ATRX: variants seen among roughly 807,000 people sequenced by gnomAD.
ATRX encodes ATRX chromatin remodeler, also known as chromatin remodeler ATRX.
A neutral mutation model predicts 172.6 loss-of-function variants in ATRX; 12 were observed. That is an observed-to-expected ratio of 0.07 (90% CI 0.04 to 0.11). The LOEUF (loss-of-function observed/expected upper bound fraction) is 0.11. ATRX is among the 10% of genes least tolerant of loss of function. The pLI, the probability that ATRX is intolerant of heterozygous loss-of-function variation, is 1.00. For synonymous variants in ATRX, 674 were observed against 594.7 expected, an observed-to-expected ratio of 1.13 and a Z score of -1.94; for missense variants, 1,368 against 1,767.4, an observed-to-expected ratio of 0.77 and a Z score of 4.05.
chrX:77,687,863 T>A (rs1557144839), intron 7 of ATRX, among the ~76,000 whole-genome samples: 1 of 112,166 alleles, frequency 8.9e-6, no homozygotes, highest in Non-Finnish European at 1.9e-5. Context: ...CAGCTTTTTA[T>A]TGGGAAACAA....
intron 1 of ATRX, among the ~76,000 whole-genome samples, chrX:77,724,034 A>G (rs892534119): frequency 5.4e-5 from 6 of 111,443 alleles, no homozygotes; most frequent in African/African-American, 2.0e-4. Flanking sequence ...TAACCCCGGC[A>G]CTTTGGGAGC....
intron 30 of ATRX, among the ~76,000 whole-genome samples, chrX:77,531,637 TA>T (rs2063578291): frequency 9.0e-6 from 1 of 111,685 alleles, no homozygotes; most frequent in Non-Finnish European, 1.9e-5. Flanking sequence ...TATCTCAAAA[TA>T]ATATGAGCAA....
chrX:77,732,326 C>T (rs1188812917), intron 1 of ATRX, among the ~76,000 whole-genome samples: 2 of 111,852 alleles, frequency 1.8e-5, no homozygotes, highest in African/African-American at 6.5e-5. Context: ...AGTAAACATT[C>T]GCCCCTGTCA....
At chrX:77,508,696 C>T (rs1235111332) in intron 34 of ATRX, 67 bp from the exon 35 acceptor site, 3 of 1,136,812 alleles carry the variant, frequency 2.6e-6, no homozygotes, top group Non-Finnish European at 3.6e-6. Context: ...CAAGTTTTGA[C>T]TTAAAATCAA....
chrX:77,590,481 G>A (rs1557079688), intron 26 of ATRX, among the ~76,000 whole-genome samples: 1 of 108,495 alleles, frequency 9.2e-6, no homozygotes, highest in Non-Finnish European at 1.9e-5. Flanking sequence ...GCACTGTGGT[G>A]GGCGCCCGTA....
In ATRX at chrX:77,663,413, A is replaced by G. The variant is rs1557124022; in HGVS notation, c.4089T>C (p.His1363=). 2 of 1,209,817 alleles carry G rather than the reference A, an allele frequency of 1.7e-6. No homozygotes were observed. The highest frequency in any genetic ancestry group is 2.2e-6 in the Non-Finnish European group (2 of 895,166). Residue 1363 remains histidine (H), a synonymous_variant, in exon 12 of 35, where the codon CAT becomes CAC. Coordinates refer to ENST00000373344, the MANE Select transcript of ATRX (RefSeq NM_000489.6). ...GEEKKTKPKE[H]KEVKGRNRRK... ...TTCTGTTTCTGCCTTTGACTTCTTT[A>G]TGCTCTTTAGGCTTTGTCTTTTTTT...
intron 10 of ATRX, among the ~76,000 whole-genome samples, chrX:77,667,737 G>A (rs1311213430): frequency 9.0e-6 from 1 of 111,731 alleles, no homozygotes; most frequent in African/African-American, 3.3e-5. Context: ...AAATACAATT[G>A]TATACCTATT....
At chrX:77,660,316 G>C (rs2069801960) in intron 12 of ATRX, among the ~76,000 whole-genome samples, 1 of 111,574 alleles carries the variant, frequency 9.0e-6, no homozygotes, top group Admixed American at 9.6e-5. Flanking sequence ...TGTAATCCCA[G>C]CACTTTTGGG....
chrX:77,628,586 G>C (rs1338850943), intron 19 of ATRX, among the ~76,000 whole-genome samples: 2 of 111,989 alleles, frequency 1.8e-5, no homozygotes, highest in Non-Finnish European at 3.8e-5. Flanking sequence ...CCCTGACCCA[G>C]TAAAACTAGG....
chrX:77,519,175 C>G (rs1190062423), intron 34 of ATRX, among the ~76,000 whole-genome samples: 2 of 111,382 alleles, frequency 1.8e-5, no homozygotes, highest in Admixed American at 9.6e-5. Flanking sequence ...TAAAAAGCTT[C>G]TGCACAGCAA....
At chrX:77,723,624 T>G (rs2073885464) in intron 1 of ATRX, among the ~76,000 whole-genome samples, 1 of 111,377 alleles carries the variant, frequency 9.0e-6, no homozygotes, top group Non-Finnish European at 1.9e-5. Context: ...ACAAAAAAAT[T>G]TATCATCAGG....
chrX:77,750,748 C>T (rs1268702244), intron 1 of ATRX, among the ~76,000 whole-genome samples: 2 of 108,572 alleles, frequency 1.8e-5, no homozygotes, highest in Non-Finnish European at 3.8e-5. Flanking sequence ...TCTCACTGTT[C>T]GACTCCCACT....
In ATRX at chrX:77,688,799, T is replaced by A. The variant is rs1170610257; in HGVS notation, c.594+19A>T. ...ATTCAAATATTTACGGTATGAAATA[T>A]CAACAGATCATTACATACCTTACAA... On this transcript the variant is annotated intron_variant, in intron 7 of 34. Coordinates refer to ENST00000373344, the MANE Select transcript of ATRX (RefSeq NM_000489.6). 1.8e-6 allele frequency: 2 copies of A among 1,119,908 alleles called. No individual in the cohort carries two copies. Among genetic ancestry groups the A allele is most frequent in the Non-Finnish European group, 2.5e-6 (2 of 813,517 alleles). 92.3% of individuals were successfully genotyped at this position (1,119,908 alleles called of 1,213,427 possible). A position where few individuals can be genotyped will look rare whatever the true frequency, so the allele number is the denominator to read the frequency against.
intron 14 of ATRX, among the ~76,000 whole-genome samples, chrX:77,653,594 T>C (rs1252711002): frequency 1.8e-5 from 2 of 111,817 alleles, no homozygotes; most frequent in African/African-American, 6.5e-5. Context: ...GAGTTTCTGC[T>C]TGTGAATATA....
At chrX:77,537,405 ACT>A (rs1307452894) in intron 30 of ATRX, among the ~76,000 whole-genome samples, 2 of 111,544 alleles carry the variant, frequency 1.8e-5, no homozygotes, top group African/African-American at 6.5e-5. Context: ...GAATTTAATC[ACT>A]CTCTTCATCA....
At chrX:77,617,260 G>C (rs2067392187) in intron 21 of ATRX, among the ~76,000 whole-genome samples, 1 of 111,885 alleles carries the variant, frequency 8.9e-6, no homozygotes, top group Non-Finnish European at 1.9e-5. Context: ...CCATTTTATT[G>C]TAAGAGTAGA....
intron 30 of ATRX, among the ~76,000 whole-genome samples, chrX:77,556,797 A>G (rs1480978929): frequency 8.9e-6 from 1 of 112,069 alleles, no homozygotes; most frequent in Non-Finnish European, 1.9e-5. Flanking sequence ...TAACTTTCTA[A>G]TCTCCATTTG....
At chrX:77,601,656 GAAC>G (rs1458107882) in intron 22 of ATRX, among the ~76,000 whole-genome samples, 1 of 111,153 alleles carries the variant, frequency 9.0e-6, no homozygotes, top group African/African-American at 3.3e-5. Context: ...ATATGCAAAA[GAAC>G]AAAACTGATT....
intron 1 of ATRX, among the ~76,000 whole-genome samples, chrX:77,774,390 T>C (rs1557201056): frequency 9.1e-6 from 1 of 109,466 alleles, no homozygotes. Flanking sequence ...AAAATGGTAT[T>C]GTATCGGCCG....
Sources: gnomAD v4.1 joint callset for allele counts (sites outside exome capture counted in the v4.1 genomes callset) on GRCh38, gnomAD v4.1.1 for gene constraint, MANE v1.5 for transcripts, NCBI Gene and HGNC (gene_info 2026-07-23, HGNC 2026-07-21) for gene names.